GALNTL6: variants seen among roughly 807,000 people sequenced by gnomAD.
The protein encoded by GALNTL6 is polypeptide N-acetylgalactosaminyltransferase like 6, also known as polypeptide N-acetylgalactosaminyltransferase-like 6.
Under a neutral mutation model 73.7 loss-of-function variants are expected in GALNTL6, and 46 were observed. That is an observed-to-expected ratio of 0.62 (90% CI 0.49 to 0.80). The LOEUF is 0.80. Ranked by LOEUF, GALNTL6 falls within the 30% of genes least tolerant of loss-of-function variation. The probability of loss-of-function intolerance (pLI) is 0.00; values close to 1 mark genes in which losing one functional copy is unlikely to be tolerated. For synonymous variants in GALNTL6, 259 were observed against 263.7 expected, an observed-to-expected ratio of 0.98 and a Z score of 0.17; for missense variants, 604 against 755.0, an observed-to-expected ratio of 0.80 and a Z score of 2.34.
intron 2 of GALNTL6, among the ~76,000 whole-genome samples, chr4:172,107,637 G>A (rs868254531): frequency 4.2e-5 from 6 of 141,860 alleles, no homozygotes; most frequent in African/African-American, 1.6e-4. Context: ...GAGAACACAT[G>A]GACACAGGAA....
rs188625766 is a variant in GALNTL6, at chr4:172,370,275, C to T, written c.553+21586C>T. ...TGTAGCTTGATGGCCTCGATTCTAG[C>T]GGAAACAAATTTGACAAGAAGGTTA... On this transcript the variant is annotated intron_variant, in intron 5 of 12. Transcript: ENST00000506823. 2.7e-3 allele frequency among the ~76,000 whole-genome samples: 405 copies of T among 151,988 alleles called. 3 individuals are homozygous for T. Among genetic ancestry groups the T allele is most frequent in the African/African-American group, 9.1e-3 (378 of 41,426 alleles).
At chr4:172,786,557 C>A (rs564383127) in intron 5 of GALNTL6, among the ~76,000 whole-genome samples, 1 of 152,230 alleles carries the variant, frequency 6.6e-6, no homozygotes, top group Admixed American at 6.5e-5. Context: ...TCTACTCAGA[C>A]TAAACCAGCA....
chr4:172,271,656 GAAGT>G (rs764240496), intron 3 of GALNTL6, among the ~76,000 whole-genome samples: 17 of 151,772 alleles, frequency 1.1e-4, no homozygotes, highest in East Asian at 1.9e-4. Context: ...TGCATATATT[GAAGT>G]ATGTATGCAT....
chr4:172,488,040 A>T (rs1279236729), intron 5 of GALNTL6, among the ~76,000 whole-genome samples: 2 of 152,144 alleles, frequency 1.3e-5, no homozygotes, highest in Non-Finnish European at 2.9e-5. Context: ...CTATTATTGT[A>T]CTCTCAAGTT....
chr4:172,558,688 T>C (rs1424695193), intron 5 of GALNTL6, among the ~76,000 whole-genome samples: 1 of 152,182 alleles, frequency 6.6e-6, no homozygotes. Flanking sequence ...CCTAGCAAAC[T>C]AACATAGGGA....
intron 10 of GALNTL6, among the ~76,000 whole-genome samples, chr4:172,956,495 T>C (rs1166189404): frequency 3.3e-5 from 5 of 152,144 alleles, no homozygotes; most frequent in South Asian, 2.1e-4. Flanking sequence ...GAGTGGCGGT[T>C]TGGGGATAGC....
At chr4:171,946,065 A>G (rs1266938099) in intron 2 of GALNTL6, among the ~76,000 whole-genome samples, 1 of 152,198 alleles carries the variant, frequency 6.6e-6, no homozygotes, top group Admixed American at 6.5e-5. Flanking sequence ...GTTATGGTAT[A>G]TACACATAAG....
intron 2 of GALNTL6, among the ~76,000 whole-genome samples, chr4:171,817,434 A>G (rs1734551607): frequency 6.6e-6 from 1 of 151,754 alleles, no homozygotes; most frequent in East Asian, 1.9e-4. Flanking sequence ...TGATATCACT[A>G]ATAATTTTTC....
intron 2 of GALNTL6, among the ~76,000 whole-genome samples, chr4:172,182,488 G>A (rs1263689957): frequency 6.9e-6 from 1 of 145,864 alleles, no homozygotes; most frequent in Non-Finnish European, 1.5e-5. Flanking sequence ...TTTGAGATGG[G>A]ATATATTTAA....
chr4:172,980,672 G>T (rs1373437423), intron 10 of GALNTL6, among the ~76,000 whole-genome samples: 1 of 152,078 alleles, frequency 6.6e-6, no homozygotes, highest in Non-Finnish European at 1.5e-5. Context: ...CCTTCCTCTT[G>T]TTGTTAAGCC....
intron 5 of GALNTL6, among the ~76,000 whole-genome samples, chr4:172,411,577 G>A (rs370213879): frequency 6.6e-5 from 10 of 151,394 alleles, no homozygotes; most frequent in South Asian, 4.2e-4. Flanking sequence ...TGCTGATGGC[G>A]TGCTTTCTAA....
At chr4:172,723,384 C>T (rs1245758904) in intron 5 of GALNTL6, among the ~76,000 whole-genome samples, 2 of 152,152 alleles carry the variant, frequency 1.3e-5, no homozygotes, top group African/African-American at 4.8e-5. Flanking sequence ...GCCTTGTGGC[C>T]TTCCCATACT....
chr4:172,316,970 C>G (rs1740581956), intron 4 of GALNTL6, among the ~76,000 whole-genome samples: 1 of 152,046 alleles, frequency 6.6e-6, no homozygotes, highest in Non-Finnish European at 1.5e-5. Flanking sequence ...GCTTTGTAAC[C>G]CAAACCCACG....
rs138539031 is a variant in GALNTL6 at position 171,997,522 on chromosome 4, C to A, written c.138+182804C>A. Among the ~76,000 whole-genome samples, 6 of 152,150 alleles carry A rather than the reference C, an allele frequency of 3.9e-5. No homozygotes were observed. The East Asian group carries it at 1.2e-3, about 29-fold the overall frequency. ...ATATTAGCCTACTGTTGGGCATAATCATCTAATGCAAAGCCTATTTTATAA... is the reference window on the plus strand; with the variant it reads ...ATATTAGCCTACTGTTGGGCATAATAATCTAATGCAAAGCCTATTTTATAA... On this transcript the variant is annotated intron_variant, in intron 2 of 12. Coordinates refer to ENST00000506823, the MANE Select transcript of GALNTL6 (RefSeq NM_001034845.3).
rs142686395 is a variant in GALNTL6 at position 172,159,771 on chromosome 4, A to G, written c.139-69885A>G. Among the ~76,000 whole-genome samples, 22 of 152,288 alleles carry G rather than the reference A, an allele frequency of 1.4e-4. No individual in the cohort carries two copies. The East Asian group carries it at 3.9e-3, about 27-fold the overall frequency. On this transcript the variant is annotated intron_variant, in intron 2 of 12. Coordinates refer to ENST00000506823, the MANE Select transcript of GALNTL6 (RefSeq NM_001034845.3). ...AGATGCTGAAGGGTGGTAGGGAGGA[A>G]GTAATATAATCATACATGCGTTGAA...
intron 5 of GALNTL6, among the ~76,000 whole-genome samples, chr4:172,481,188 C>T (rs934756889): frequency 2.6e-5 from 4 of 151,750 alleles, no homozygotes; most frequent in Admixed American, 1.3e-4. Flanking sequence ...CAGACCTTCA[C>T]GATGAGTGTT....
chr4:171,955,155 A>G (rs1739004171), intron 2 of GALNTL6, among the ~76,000 whole-genome samples: 1 of 152,180 alleles, frequency 6.6e-6, no homozygotes. Context: ...TGTGTAAAAG[A>G]AATAGTTCAC....
intron 7 of GALNTL6, among the ~76,000 whole-genome samples, chr4:172,846,992 G>A (rs1743547059): frequency 1.3e-5 from 2 of 151,632 alleles, no homozygotes; most frequent in Admixed American, 1.3e-4. Flanking sequence ...TTGTCTCTCT[G>A]CATTGTTCCT....
intron 11 of GALNTL6, 64 bp from the exon 12 acceptor site, chr4:173,021,412 C>G (rs775205673): frequency 8.5e-6 from 13 of 1,533,070 alleles, no homozygotes; most frequent in Middle Eastern, 1.8e-4. Flanking sequence ...TACCTTCCCC[C>G]GCCCTTGCAT....
Sources: allele counts gnomAD v4.1 joint callset (sites outside exome capture counted in the v4.1 genomes callset), GRCh38; gene constraint gnomAD v4.1.1; transcripts MANE v1.5; gene names NCBI Gene and HGNC (gene_info 2026-07-23, HGNC 2026-07-21).